The following ETV1 variants were observed in gnomAD, a reference collection of about 807,000 sequenced individuals.
ETV1 encodes ETS variant transcription factor 1, also known as ETS translocation variant 1.
ETV1 carries 27 observed loss-of-function variants against 62.3 expected under a neutral mutation model. The ratio of observed to expected loss-of-function variants is 0.43; its 90% confidence interval spans 0.32 to 0.60. The LOEUF (loss-of-function observed/expected upper bound fraction) is 0.60, where lower values mean the gene tolerates loss of function less well. Ranked by LOEUF, ETV1 falls within the 20% of genes least tolerant of loss-of-function variation. The probability of loss-of-function intolerance (pLI) is 0.06; values close to 1 mark genes in which losing one functional copy is unlikely to be tolerated. For synonymous variants in ETV1, 222 were observed against 199.6 expected (o/e 1.11, Z -0.94); for missense variants, 605 against 605.8 (o/e 1.00, Z 0.01).
intron 6 of ETV1, among the ~76,000 whole-genome samples, chr7:13,968,863 A>C (rs1224637775): frequency 6.6e-6 from 1 of 152,126 alleles, no homozygotes; most frequent in Non-Finnish European, 1.5e-5. Flanking sequence ...TATTTCTTTT[A>C]CTGGACTTGA....
At chr7:13,931,862 G>T (rs983901359) in intron 8 of ETV1, 113 bp from the exon 9 acceptor site, 2 of 1,278,060 alleles carry the variant, frequency 1.6e-6, no homozygotes, top group African/African-American at 3.0e-5. Flanking sequence ...CTGACCTGAA[G>T]CGTAAATCTT....
chr7:13,954,345 C>T (rs1207470942), intron 6 of ETV1, among the ~76,000 whole-genome samples: 2 of 152,092 alleles, frequency 1.3e-5, no homozygotes, highest in Non-Finnish European at 2.9e-5. Flanking sequence ...ATGATCTAAA[C>T]AATTCTTCAA....
rs117737584 is a variant in ETV1 at position 13,944,100 on chromosome 7, C to T, written c.236-4854G>A. ...CTATCAAAATGTCCATTAGCATGGA[C>T]CTAGAAGCAAAAGGCATGATCCATG... On this transcript the variant is annotated intron_variant, in intron 6 of 13. Coordinates refer to ENST00000430479, the MANE Select transcript of ETV1 (RefSeq NM_004956.5). Among the ~76,000 whole-genome samples, 396 of 152,170 alleles carry T rather than the reference C, an allele frequency of 2.6e-3. 4 individuals carry two copies. The East Asian group carries it at 0.03, about 11-fold the overall frequency.
intron 6 of ETV1, among the ~76,000 whole-genome samples, chr7:13,976,192 G>A (rs1325202550): frequency 6.6e-6 from 1 of 152,188 alleles, no homozygotes; most frequent in Non-Finnish European, 1.5e-5. Flanking sequence ...TAATACAACA[G>A]TGGTTACCAG....
chr7:13,947,783 C>T (rs531608080), intron 6 of ETV1, among the ~76,000 whole-genome samples: 15 of 152,252 alleles, frequency 9.9e-5, no homozygotes, highest in African/African-American at 3.4e-4. Context: ...ATCTACCATG[C>T]CCCAGACACT....
chr7:13,926,004 G>T (rs1785386095), intron 9 of ETV1, among the ~76,000 whole-genome samples: 1 of 151,896 alleles, frequency 6.6e-6, no homozygotes, highest in Admixed American at 6.6e-5. Context: ...TTTCTGTACT[G>T]GCTCTTAATT....
intron 12 of ETV1, among the ~76,000 whole-genome samples, chr7:13,905,288 A>G (rs73274807): frequency 6.6e-6 from 1 of 152,156 alleles, no homozygotes; most frequent in African/African-American, 2.4e-5. Context: ...GTGGATGTTC[A>G]GTGTATATGA....
At chr7:13,926,804 C>G (rs1245474654) in intron 9 of ETV1, among the ~76,000 whole-genome samples, 3 of 152,092 alleles carry the variant, frequency 2.0e-5, no homozygotes, top group South Asian at 4.1e-4. Context: ...TAAGCTAGCC[C>G]TAAATATCTA....
chr7:13,942,817 A>G (rs1195493748), intron 6 of ETV1, among the ~76,000 whole-genome samples: 5 of 152,334 alleles, frequency 3.3e-5, no homozygotes, highest in Admixed American at 3.3e-4. Context: ...ATAAATATGC[A>G]TGCAGTATGA....
intron 6 of ETV1, among the ~76,000 whole-genome samples, chr7:13,956,596 G>A (rs1789489177): frequency 6.6e-6 from 1 of 152,224 alleles, no homozygotes; most frequent in Non-Finnish European, 1.5e-5. Context: ...AAAATGTAGA[G>A]CGTAACTAGG....
chr7:13,981,534 T>C (rs1781992004), intron 5 of ETV1, among the ~76,000 whole-genome samples: 1 of 133,952 alleles, frequency 7.5e-6, no homozygotes, highest in African/African-American at 2.8e-5. Context: ...CATACATACA[T>C]ATATATATAT....
intron 6 of ETV1, among the ~76,000 whole-genome samples, chr7:13,942,652 A>G (rs1261193896): frequency 6.6e-6 from 1 of 152,152 alleles, no homozygotes; most frequent in Non-Finnish European, 1.5e-5. Flanking sequence ...GAACATGCAT[A>G]TATCCAAGTT....
intron 6 of ETV1, among the ~76,000 whole-genome samples, chr7:13,951,799 C>T (rs1271465403): frequency 2.0e-5 from 3 of 152,112 alleles, no homozygotes; most frequent in African/African-American, 7.2e-5. Context: ...CTCATGGGAT[C>T]TGTGTAAGAA....
intron 12 of ETV1, among the ~76,000 whole-genome samples, chr7:13,905,783 C>T (rs752455549): frequency 8.6e-5 from 13 of 152,046 alleles, no homozygotes; most frequent in Non-Finnish European, 1.9e-4. Flanking sequence ...TTCATCCCAA[C>T]CTTCCAATGG....
At chr7:13,977,951 C>A (rs1781617036) in intron 5 of ETV1, among the ~76,000 whole-genome samples, 1 of 152,078 alleles carries the variant, frequency 6.6e-6, no homozygotes, top group Admixed American at 6.6e-5. Flanking sequence ...CTGGTATGTT[C>A]TCTGTCCTGC....
chr7:13,896,816 A>T (rs1434834054), intron 13 of ETV1, among the ~76,000 whole-genome samples: 1 of 151,510 alleles, frequency 6.6e-6, no homozygotes, highest in Non-Finnish European at 1.5e-5. Context: ...ATTTAAATGA[A>T]AGATGGATCA....
chr7:13,900,126 C>A (rs1030529953), intron 13 of ETV1, among the ~76,000 whole-genome samples: 2 of 151,238 alleles, frequency 1.3e-5, no homozygotes, highest in African/African-American at 4.9e-5. Flanking sequence ...TAGAATCTGT[C>A]TCAAAACAAA....
Position 13,925,471 on chromosome 7 carries a change from A to G in ETV1, c.802+6031T>C, listed in dbSNP as rs1051475786. ...AACCAATAGAAAGTCATTTACGCTT[A>G]CAACGTGTGAGACTATAACATCATT... On this transcript the variant is annotated intron_variant, in intron 9 of 13. Coordinates refer to ENST00000430479, the MANE Select transcript of ETV1 (RefSeq NM_004956.5). Among the ~76,000 whole-genome samples the G allele has an allele frequency of 3.9e-5, 6 of 152,352 alleles. No homozygotes were observed. The South Asian group carries it at 1.2e-3, about 32-fold the overall frequency.
chr7:13,941,863 G>GAATA (rs111978808), intron 6 of ETV1, among the ~76,000 whole-genome samples: 2,391 of 145,822 alleles, frequency 0.016, 24 homozygotes, highest in Non-Finnish European at 0.024. Flanking sequence ...ATTCTGCCTC[G>GAATA]AATAAATAAA....
Sources: allele counts gnomAD v4.1 joint callset (sites outside exome capture counted in the v4.1 genomes callset), GRCh38; gene constraint gnomAD v4.1.1; transcripts MANE v1.5; gene names NCBI Gene and HGNC (gene_info 2026-07-23, HGNC 2026-07-21).